Variants in AFP observed in about 807,000 individuals in gnomAD.
AFP encodes the protein alpha fetoprotein, also known as alpha-fetoprotein.
AFP carries 64 observed loss-of-function variants against 78.9 expected under a neutral mutation model. The ratio of observed to expected loss-of-function variants is 0.81; its 90% CI spans 0.66 to 1.00. The LOEUF is 1.00. AFP is among the 50% of genes least tolerant of loss of function. AFP has a pLI of 0.00. For missense variants in AFP, 689 were observed against 703.8 expected (o/e 0.98, Z 0.24); for synonymous variants, 254 against 243.8 (o/e 1.04, Z -0.39).
rs775317666 is a variant in AFP, at chr4:73,450,676, A to G, written c.1351A>G (p.Thr451Ala). The part of the protein sequence containing the change: ...QLTSSELMAI[T>A]RKMAATAATC... ...GACCTCGTCGGAGCTGATGGCCATC[A>G]CCAGAAAAATGGCAGCCACAGCAGC... Residue 451 changes from threonine (T) to alanine (A), a missense_variant, in exon 11 of 15, where the codon ACC becomes GCC. Coordinates refer to ENST00000395792, the MANE Select transcript of AFP (RefSeq NM_001134.3). 1 of 1,614,206 alleles carries G rather than the reference A, an allele frequency of 6.2e-7. No homozygotes were observed. The highest frequency in any genetic ancestry group is 1.7e-5 in the Admixed American group (1 of 60,028).
intron 10 of AFP, 80 bp downstream of exon 10, chr4:73,450,213 A>C: frequency 8.5e-7 from 1 of 1,183,392 alleles, no homozygotes; most frequent in Non-Finnish European, 1.2e-6. Flanking sequence ...CTCCTTTGGA[A>C]GCAACAAGAA....
intron 8 of AFP, among the ~76,000 whole-genome samples, chr4:73,449,041 G>A (rs1719911107): frequency 6.6e-6 from 1 of 152,124 alleles, no homozygotes; most frequent in Admixed American, 6.6e-5. Flanking sequence ...TGCTAGCAAA[G>A]AGTGGACACT....
chr4:73,445,866 A>G (rs1204887432), intron 7 of AFP, among the ~76,000 whole-genome samples: 2 of 152,038 alleles, frequency 1.3e-5, no homozygotes, highest in African/African-American at 4.8e-5. Flanking sequence ...ATTTTGGCTA[A>G]CCCTAGACTT....
chr4:73,451,010 T>G (rs577821916), intron 11 of AFP, among the ~76,000 whole-genome samples: 1 of 152,210 alleles, frequency 6.6e-6, no homozygotes, highest in South Asian at 2.1e-4. Context: ...ACTTTATATA[T>G]CGGAAAGACA....
rs1339918878 is a variant in AFP, at chr4:73,450,724, G to A, written c.1399G>A (p.Asp467Asn). ...AGCCACTTGTTGCCAACTCAGTGAG[G>A]ACAAACTATTGGCCTGTGGCGAGGG... ...TAATCCQLSE[D>N]KLLACGEGAA... The change falls in exon 11 of 15, where the codon GAC (aspartate) becomes AAC (asparagine). Residue 467 changes from aspartate (D) to asparagine (N), a missense_variant. By Grantham distance (23) the Asp-to-Asn change is conservative. Coordinates refer to ENST00000395792, the MANE Select transcript of AFP (RefSeq NM_001134.3). 1 of 1,614,188 alleles carries A rather than the reference G, an allele frequency of 6.2e-7. No individual in the cohort carries two copies. Among genetic ancestry groups the A allele is most frequent in the Non-Finnish European group, 8.5e-7 (1 of 1,180,022 alleles).
intron 9 of AFP, 84 bp downstream of exon 9, chr4:73,449,551 A>G (rs1719928069): frequency 2.0e-6 from 3 of 1,491,356 alleles, no homozygotes; most frequent in Non-Finnish European, 2.8e-6. Context: ...GAAAGCCTCT[A>G]GTTTTCAACT....
chr4:73,438,884 T>A (rs1370618228), intron 3 of AFP, among the ~76,000 whole-genome samples: 1 of 152,130 alleles, frequency 6.6e-6, no homozygotes, highest in Non-Finnish European at 1.5e-5. Flanking sequence ...TGAAGATAGA[T>A]GCTAATCTTC....
chr4:73,452,493 C>T lies in AFP; in HGVS notation c.1521C>T (p.Asn507=). Residue 507 remains asparagine (N), a synonymous_variant, in exon 12 of 15, where the codon AAC becomes AAT. Transcript: ENST00000395792. Reference sequence around the variant, plus strand: ...AGTGCTGCACTTCTTCATATGCCAACAGGAGGCCATGCTTCAGCAGCTTGG... The same window carrying T: ...AGTGCTGCACTTCTTCATATGCCAATAGGAGGCCATGCTTCAGCAGCTTGG... The part of the protein sequence containing the change: ...VGQCCTSSYA[N]RRPCFSSLVV... 2 of 1,614,134 alleles carry T rather than the reference C, an allele frequency of 1.2e-6. No homozygotes were observed. Among genetic ancestry groups the T allele is most frequent in the Non-Finnish European group, 1.7e-6 (2 of 1,179,992 alleles).
rs760064721 is a variant in AFP at position 73,438,213 on chromosome 4, T to C, written c.177T>C (p.Thr59=). The C allele has an allele frequency of 1.1e-5, 17 of 1,613,338 alleles. No homozygotes were observed. The change falls in exon 3 of 15, where the codon ACT becomes ACC. Residue 59 remains threonine (T), a synonymous_variant. Transcript: ENST00000395792. ...IFFAQFVQEA[T]YKEVSKMVKD... ...TTGCCCAGTTTGTTCAAGAAGCCAC[T>C]TACAAGGAAGTAAGCAAAATGGTGA...
intron 6 of AFP, 21 bp from the exon 7 acceptor site, chr4:73,444,972 T>C (rs1172038615): frequency 6.3e-7 from 1 of 1,586,828 alleles, no homozygotes; most frequent in Non-Finnish European, 8.6e-7. Flanking sequence ...AATTAATTTC[T>C]AATTTCTTTT....
chr4:73,438,989 A>G (rs1719589498), intron 3 of AFP, among the ~76,000 whole-genome samples: 1 of 152,180 alleles, frequency 6.6e-6, no homozygotes, highest in Admixed American at 6.5e-5. Context: ...CATCTGGCTT[A>G]AAATTGACAG....
At chr4:73,448,144 G>A (rs1166133361) in intron 8 of AFP, among the ~76,000 whole-genome samples, 1 of 152,096 alleles carries the variant, frequency 6.6e-6, no homozygotes, top group African/African-American at 2.4e-5. Flanking sequence ...TATAGGAACA[G>A]CTTATTGGCT....
chr4:73,445,093 G>T lies in AFP; in HGVS notation c.814G>T (p.Gly272Ter). 1 of 1,613,998 alleles carries T rather than the reference G, an allele frequency of 6.2e-7. No individual in the cohort carries two copies. Among genetic ancestry groups the T allele is most frequent in the African/African-American group, 1.3e-5 (1 of 75,042 alleles). ...VAHVHEHCCRGDVLDCLQDGE... is the reference protein window; with the variant it reads ...VAHVHEHCCR The stretch of plus-strand genomic sequence containing the variant: ...CCATGTACATGAGCACTGTTGCAGA[G>T]GAGATGTGCTGGATTGTCTGCAGGA... The change falls in exon 7 of 15, where the codon GGA (glycine) becomes TGA (stop). Residue 272 changes from glycine to a stop codon, truncating the protein, a stop_gained. Transcript: ENST00000395792. LOFTEE classifies it high-confidence loss of function.
chr4:73,446,052 A>C (rs1340444930), intron 7 of AFP, among the ~76,000 whole-genome samples: 1 of 152,168 alleles, frequency 6.6e-6, no homozygotes, highest in Non-Finnish European at 1.5e-5. Context: ...GTGAAGATAA[A>C]ATGCTCATTT....
Position 73,450,048 on chromosome 4 carries a change from C to T in AFP, c.1204C>T (p.Gln402Ter). The T allele has an allele frequency of 6.2e-7, 1 of 1,612,558 alleles. No individual in the cohort carries two copies. The highest frequency in any genetic ancestry group is 8.5e-7 in the Non-Finnish European group (1 of 1,178,898). The change falls in exon 10 of 15, where the codon CAG becomes TAG. Residue 402 changes from glutamine (Q) to a stop codon, truncating the protein, a stop_gained. Coordinates refer to ENST00000395792, the MANE Select transcript of AFP (RefSeq NM_001134.3). LOFTEE classifies it high-confidence loss of function. ...TCTTCATTTTCAGGAAGAAGAATTA[C>T]AGAAATACATCCAGGAGAGCCAAGC... ...ECQDKGEEEL[Q>*]KYIQESQALA...
Position 73,437,151 on chromosome 4 carries a change from G to C in AFP, c.86-9G>C, listed in dbSNP as rs1402405648. 2 of 1,606,768 alleles carry C rather than the reference G, an allele frequency of 1.2e-6. No homozygotes were observed. The highest frequency in any genetic ancestry group is 1.3e-5 in the African/African-American group (1 of 74,688). ...AAACACGTTTCATGAAGTTTATTTTGCTTTCCAGCTTCCATATTGGATTCT... is the reference window on the plus strand; with the variant it reads ...AAACACGTTTCATGAAGTTTATTTTCCTTTCCAGCTTCCATATTGGATTCT... On this transcript the variant is annotated splice_polypyrimidine_tract_variant and intron_variant, in intron 1 of 14. Coordinates refer to ENST00000395792, the MANE Select transcript of AFP (RefSeq NM_001134.3).
chr4:73,444,719 GC>G (rs1179699825), intron 6 of AFP, among the ~76,000 whole-genome samples: 1 of 152,014 alleles, frequency 6.6e-6, no homozygotes, highest in Non-Finnish European at 1.5e-5. Context: ...GGGTTGAATG[GC>G]AAAAATAATT....
At chr4:73,454,435 CT>C (rs1328250836) in intron 13 of AFP, among the ~76,000 whole-genome samples, 1 of 151,868 alleles carries the variant, frequency 6.6e-6, no homozygotes, top group Non-Finnish European at 1.5e-5. Context: ...AAAAAATTAC[CT>C]TTTTTCAGCT....
intron 13 of AFP, among the ~76,000 whole-genome samples, chr4:73,454,860 C>G (rs1720111856): frequency 6.6e-6 from 1 of 152,036 alleles, no homozygotes; most frequent in Admixed American, 6.6e-5. Flanking sequence ...TTCTGAAAAA[C>G]ATGACACAAG....
Sources: allele counts gnomAD v4.1 joint callset (sites outside exome capture counted in the v4.1 genomes callset), GRCh38; gene constraint gnomAD v4.1.1; transcripts MANE v1.5; gene names NCBI Gene and HGNC (gene_info 2026-07-23, HGNC 2026-07-21).